Variants in CFH observed in about 807,000 individuals in gnomAD.
CFH encodes H factor 1 (complement).
CFH carries 53 observed loss-of-function variants against 147.3 expected under a neutral mutation model. The ratio of observed to expected loss-of-function variants is 0.36; its 90% CI spans 0.29 to 0.45. The LOEUF is 0.45. Among genes scored for constraint, CFH ranks in the 20% least tolerant of loss-of-function variants. The probability of loss-of-function intolerance (pLI) is 1.00; values close to 1 mark genes in which losing one functional copy is unlikely to be tolerated. For synonymous variants in CFH, 536 were observed against 489.4 expected, an observed-to-expected ratio of 1.10 and a Z score of -1.26; for missense variants, 1,380 against 1,498.0, an observed-to-expected ratio of 0.92 and a Z score of 1.30.
Position 196,737,516 on chromosome 1 carries a change from A to G in CFH, c.2638A>G (p.Thr880Ala). The change falls in exon 17 of 22, where the codon ACC becomes GCC. Residue 880 changes from threonine to alanine, a missense_variant. Coordinates refer to ENST00000367429, the MANE Select transcript of CFH (RefSeq NM_000186.4). ...ACAACCACCTCAGATAGAACACGGA[A>G]CCATTAATTCATCCAGGTCTTCACA... Reference protein sequence around the residue: ...CSQPPQIEHGTINSSRSSQES... With the variant: ...CSQPPQIEHGAINSSRSSQES... 6.2e-7 allele frequency: 1 copy of G among 1,613,340 alleles called. No individual in the cohort carries two copies. Among genetic ancestry groups the G allele is most frequent in the Non-Finnish European group, 8.5e-7 (1 of 1,179,522 alleles).
intron 9 of CFH, among the ~76,000 whole-genome samples, chr1:196,694,408 T>C (rs1336818079): frequency 1.3e-5 from 2 of 152,238 alleles, no homozygotes; most frequent in Non-Finnish European, 2.9e-5. Context: ...CTATCATTGA[T>C]GGGCATTTGG....
rs1668856710 is a variant in CFH, at chr1:196,715,763, T to C, written c.1690T>C (p.Cys564Arg). Residue 564 changes from cysteine (C) to arginine (R), a missense_variant, in exon 11 of 22, where the codon TGT (cysteine) becomes CGT (arginine). Physicochemically the swap from Cys to Arg is radical, Grantham distance 180 (BLOSUM62 -3). This residue lies in a region of CFH where 830 missense variants were observed against 821.4 expected (regional missense o/e 1.01). Transcript: ENST00000367429. ...CAATGGTTGGTCTGATTTACCCATATGTTATGGTAAGTACTGGTTTTTCAG... is the reference window on the plus strand; with the variant it reads ...CAATGGTTGGTCTGATTTACCCATACGTTATGGTAAGTACTGGTTTTTCAG... ...GYNGWSDLPI[C>R]YERECELPKI... 1 of 1,610,258 alleles carries C rather than the reference T, an allele frequency of 6.2e-7. No homozygotes were observed. The highest frequency in any genetic ancestry group is 1.7e-5 in the Admixed American group (1 of 59,660).
intron 9 of CFH, among the ~76,000 whole-genome samples, chr1:196,710,162 G>A (rs1668691933): frequency 6.6e-6 from 1 of 151,968 alleles, no homozygotes; most frequent in Non-Finnish European, 1.5e-5. Context: ...CTGACCAATT[G>A]ACAACCCAAA....
chr1:196,687,016 A>T (rs577491388), intron 7 of CFH, among the ~76,000 whole-genome samples: 1 of 152,224 alleles, frequency 6.6e-6, no homozygotes, highest in East Asian at 1.9e-4. Context: ...AGAGGATGAT[A>T]ATAAGGAATC....
At chr1:196,670,008 T>C (rs1044732176) in intron 1 of CFH, among the ~76,000 whole-genome samples, 2 of 152,194 alleles carry the variant, frequency 1.3e-5, no homozygotes, top group African/African-American at 4.8e-5. Context: ...ATGTGAGACA[T>C]GGAATCAAAG....
At chr1:196,702,581 C>A (rs1668487113) in intron 9 of CFH, among the ~76,000 whole-genome samples, 1 of 150,378 alleles carries the variant, frequency 6.6e-6, no homozygotes, top group South Asian at 2.1e-4. Flanking sequence ...CTGTATTTGC[C>A]ACACAGAACC....
intron 6 of CFH, among the ~76,000 whole-genome samples, chr1:196,683,574 A>C (rs1435344397): frequency 6.6e-6 from 1 of 151,782 alleles, no homozygotes; most frequent in Non-Finnish European, 1.5e-5. Context: ...GAAAATTGGA[A>C]AAGCTTCCAT....
intron 7 of CFH, among the ~76,000 whole-genome samples, chr1:196,687,627 G>A (rs1667872727): frequency 1.3e-5 from 2 of 152,016 alleles, no homozygotes. Context: ...TTAAGGCACA[G>A]CTCCCACAAA....
chr1:196,740,344 A>T (rs926911351), intron 17 of CFH, among the ~76,000 whole-genome samples: 1 of 152,208 alleles, frequency 6.6e-6, no homozygotes, highest in African/African-American at 2.4e-5. Context: ...TATTATCACT[A>T]GTAAGTTTAC....
At chr1:196,700,019 T>G (rs1341662278) in intron 9 of CFH, among the ~76,000 whole-genome samples, 1 of 152,188 alleles carries the variant, frequency 6.6e-6, no homozygotes, top group Non-Finnish European at 1.5e-5. Context: ...AACTTTCCAT[T>G]TGAGTTTCTC....
chr1:196,708,787 T>C (rs1336991876), intron 9 of CFH, among the ~76,000 whole-genome samples: 1 of 152,100 alleles, frequency 6.6e-6, no homozygotes, highest in Admixed American at 6.6e-5. Context: ...TCCATCCTAA[T>C]GACAAAATAT....
intron 20 of CFH, among the ~76,000 whole-genome samples, chr1:196,745,614 G>T (rs1652972516): frequency 6.6e-6 from 1 of 152,094 alleles, no homozygotes; most frequent in South Asian, 2.1e-4. Flanking sequence ...AATGTTTTAT[G>T]TGTTCTTTCA....
intron 11 of CFH, among the ~76,000 whole-genome samples, chr1:196,719,795 C>T (rs1668956135): frequency 6.6e-6 from 1 of 151,522 alleles, no homozygotes; most frequent in Admixed American, 6.6e-5. Flanking sequence ...ATAAATAGTA[C>T]ATATAACAAA....
chr1:196,720,214 A>G (rs958854230), intron 11 of CFH, among the ~76,000 whole-genome samples: 2 of 151,968 alleles, frequency 1.3e-5, no homozygotes, highest in African/African-American at 4.8e-5. Context: ...CCCCAGTTCT[A>G]TTATAAATTT....
intron 7 of CFH, among the ~76,000 whole-genome samples, chr1:196,688,998 G>C (rs1667929894): frequency 6.7e-6 from 1 of 150,070 alleles, no homozygotes; most frequent in South Asian, 2.1e-4. Flanking sequence ...GAAAATGCAG[G>C]GCTCTTGTTT....
rs1376775194 is a variant in CFH, at chr1:196,745,945, A to T, written c.3439A>T (p.Asn1147Tyr). The T allele has an allele frequency of 6.2e-7, 1 of 1,614,178 alleles. No individual in the cohort carries two copies. ...QCQNLYQLEG[N>Y]KRITCRNGQW... ...CCAGAACTTGTATCAACTTGAGGGTAACAAGCGAATAACATGTAGAAATGG... is the reference window on the plus strand; with the variant it reads ...CCAGAACTTGTATCAACTTGAGGGTTACAAGCGAATAACATGTAGAAATGG... The change falls in exon 21 of 22, where the codon AAC becomes TAC. Residue 1147 changes from asparagine to tyrosine, a missense_variant. By Grantham distance (143) the Asn-to-Tyr change is moderately radical. Around this residue, in one of 4 missense-constraint regions of CFH, gnomAD observed 123 missense variants for 185.3 expected, o/e 0.66. Transcript: ENST00000367429.
At chr1:196,706,260 G>A (rs1325709491) in intron 9 of CFH, among the ~76,000 whole-genome samples, 3 of 152,036 alleles carry the variant, frequency 2.0e-5, no homozygotes. Context: ...AAAGAAAGCG[G>A]GCTCTTAACC....
chr1:196,677,476 T>C lies in CFH; in HGVS notation c.428T>C (p.Val143Ala), dbSNP rs1466182302. The stretch of plus-strand genomic sequence containing the variant: ...AAAACATTACATGTATTTTCTTCAG[T>C]TGTGAAGTGTTTACCAGTGACAGCA... Reference protein sequence around the residue: ...GWTNDIPICEVVKCLPVTAPE... With the variant: ...GWTNDIPICEAVKCLPVTAPE... Residue 143 changes from valine (V) to alanine (A), a missense_variant and splice_region_variant, in exon 5 of 22, where the codon GTT (valine) becomes GCT (alanine). By Grantham distance (64) the Val-to-Ala change is moderately conservative. Coordinates refer to ENST00000367429, the MANE Select transcript of CFH (RefSeq NM_000186.4). 2 of 1,612,558 alleles carry C rather than the reference T, an allele frequency of 1.2e-6. No homozygotes were observed. The highest frequency in any genetic ancestry group is 3.3e-5 in the Admixed American group (2 of 59,910).
chr1:196,702,690 C>T (rs1668489876), intron 9 of CFH, among the ~76,000 whole-genome samples: 2 of 152,112 alleles, frequency 1.3e-5, no homozygotes, highest in African/African-American at 2.4e-5. Context: ...TGATCTTATT[C>T]ACACTGACTC....
Sources: allele counts gnomAD v4.1 joint callset (sites outside exome capture counted in the v4.1 genomes callset), GRCh38; gene constraint gnomAD v4.1.1; regional missense constraint gnomAD v4.1.1; transcripts MANE v1.5; gene names NCBI Gene and HGNC (gene_info 2026-07-23, HGNC 2026-07-21).